The following LNPK variants were observed in gnomAD, a reference collection of about 807,000 sequenced individuals.
LNPK encodes endoplasmic reticulum junction formation protein lunapark.
LNPK carries 29 observed loss-of-function variants against 55.2 expected under a neutral mutation model. That is an observed-to-expected ratio of 0.53 (90% CI 0.39 to 0.72). The LOEUF is 0.72. Among genes scored for constraint, LNPK ranks in the 30% least tolerant of loss-of-function variants. The probability of loss-of-function intolerance (pLI) is 0.00; values close to 1 mark genes in which losing one functional copy is unlikely to be tolerated. For synonymous variants in LNPK, 162 were observed against 168.2 expected (o/e 0.96, Z 0.29); for missense variants, 467 against 494.8 (o/e 0.94, Z 0.53).
In LNPK at chr2:175,947,644, G is replaced by T; in HGVS notation, c.542C>A (p.Ala181Glu). 1 of 1,613,746 alleles carries T rather than the reference G, an allele frequency of 6.2e-7. No individual in the cohort carries two copies. Among genetic ancestry groups the T allele is most frequent in the Admixed American group, 1.7e-5 (1 of 59,992 alleles). The change falls in exon 9 of 13, where the codon GCA (alanine) becomes GAA (glutamate). Residue 181 changes from alanine (A) to glutamate (E), a missense_variant. By Grantham distance (107) the Ala-to-Glu change is moderately radical. Coordinates refer to ENST00000272748, the MANE Select transcript of LNPK (RefSeq NM_030650.3). ...TGGAGGAGGGCCCTGGTTAGGGCTT[G>T]CTGGTGTTGGAGAAAGGTTTCTTTG... ...AAQRNLSPTP[A>E]SPNQGPPPQV...
intron 8 of LNPK, among the ~76,000 whole-genome samples, chr2:175,963,098 C>G (rs1686135465): frequency 6.8e-6 from 1 of 147,334 alleles, no homozygotes; most frequent in African/African-American, 2.6e-5. Flanking sequence ...CACTTTTACA[C>G]TGTTGGTGGG....
intron 6 of LNPK, among the ~76,000 whole-genome samples, chr2:175,964,883 C>T (rs1686251369): frequency 6.6e-6 from 1 of 152,074 alleles, no homozygotes; most frequent in Admixed American, 6.6e-5. Context: ...AATCTATCAG[C>T]CATCATTATT....
rs1390122155 is a variant in LNPK, at chr2:175,944,000, G to A, written c.706+3480C>T. 3.3e-5 allele frequency among the ~76,000 whole-genome samples: 5 copies of A among 152,000 alleles called. No homozygotes were observed. In the East Asian group the frequency reaches 9.6e-4, roughly 29 times the overall value. ...GGAGAAGTAGAATTTTCTTTATTCA[G>A]ACAATGTGGCTATGTAGAAAATACT... On this transcript the variant is annotated intron_variant, in intron 9 of 12. Transcript: ENST00000272748.
intron 8 of LNPK, among the ~76,000 whole-genome samples, chr2:175,962,688 G>C (rs1339219115): frequency 6.6e-6 from 1 of 152,096 alleles, no homozygotes; most frequent in Non-Finnish European, 1.5e-5. Context: ...GGCAACAAAA[G>C]CCACAATAGA....
intron 6 of LNPK, 24 bp from the exon 7 acceptor site, chr2:175,964,613 T>C: frequency 7.6e-7 from 1 of 1,316,250 alleles, no homozygotes; most frequent in Non-Finnish European, 1.1e-6. Context: ...TTTCCATAAA[T>C]TGTCACACTT....
At chr2:175,988,711 TG>T (rs1474785582) in intron 4 of LNPK, among the ~76,000 whole-genome samples, 1 of 152,168 alleles carries the variant, frequency 6.6e-6, no homozygotes, top group Non-Finnish European at 1.5e-5. Flanking sequence ...TTTTGTTTTT[TG>T]GGGCATACAA....
chr2:175,937,743 G>A (rs977829605), intron 11 of LNPK: 7 of 353,866 alleles, frequency 2.0e-5, no homozygotes, highest in African/African-American at 1.3e-4. Flanking sequence ...GGCATAACAG[G>A]TTACATAGCA....
intron 12 of LNPK, among the ~76,000 whole-genome samples, chr2:175,935,333 T>C (rs908661465): frequency 3.3e-5 from 5 of 152,284 alleles, no homozygotes; most frequent in African/African-American, 1.2e-4. Context: ...TAAAACACTG[T>C]CTGTTAGCAA....
At chr2:175,936,923 T>C (rs940459394) in intron 12 of LNPK, among the ~76,000 whole-genome samples, 5 of 152,216 alleles carry the variant, frequency 3.3e-5, no homozygotes, top group African/African-American at 9.6e-5. Context: ...TTCTGGTAAT[T>C]TCTACCAATT....
intron 8 of LNPK, among the ~76,000 whole-genome samples, chr2:175,952,644 C>T (rs76692105): frequency 0.025 from 3,792 of 149,338 alleles, 157 homozygotes; most frequent in African/African-American, 0.087. Flanking sequence ...CTTTTTATTG[C>T]TAAAAAATGA....
intron 1 of LNPK, among the ~76,000 whole-genome samples, chr2:175,995,940 G>A (rs1251374540): frequency 6.7e-6 from 1 of 148,460 alleles, no homozygotes; most frequent in African/African-American, 2.5e-5. Flanking sequence ...AGCCTCCTGA[G>A]TAGCTGGGAC....
At chr2:175,941,838 TA>T (rs1416965879) in intron 9 of LNPK, among the ~76,000 whole-genome samples, 94 of 80,962 alleles carry the variant, frequency 1.2e-3, no homozygotes, top group South Asian at 4.7e-3. Flanking sequence ...AGAGAAATCT[TA>T]AAAAAAAAAA....
In LNPK at chr2:175,927,019, T is replaced by C. The variant is rs1684038593; in HGVS notation, c.*2948A>G. ...GAGAGACAGATGGTAAGTCCTTTGGTGTTGGGAAGAAACCCTAGGGAAAGA... is the reference window on the plus strand; with the variant it reads ...GAGAGACAGATGGTAAGTCCTTTGGCGTTGGGAAGAAACCCTAGGGAAAGA... On this transcript the variant is annotated 3_prime_UTR_variant, in exon 13 of 13. Coordinates refer to ENST00000272748, the MANE Select transcript of LNPK (RefSeq NM_030650.3). The C allele has an allele frequency of 6.6e-6, 1 of 152,148 alleles. No individual in the cohort carries two copies. The highest frequency in any genetic ancestry group is 2.1e-4 in the South Asian group (1 of 4,834). The allele number at this position is 152,148 out of a possible 1,614,324, so 9.4% of individuals were successfully genotyped here. A position where few individuals can be genotyped will look rare whatever the true frequency, so the allele number is the denominator to read the frequency against.
intron 8 of LNPK, among the ~76,000 whole-genome samples, chr2:175,958,804 A>G (rs1685839105): frequency 1.3e-5 from 2 of 152,220 alleles, no homozygotes; most frequent in African/African-American, 4.8e-5. Flanking sequence ...AACCCATCGC[A>G]AGGAAGCTAT....
intron 5 of LNPK, among the ~76,000 whole-genome samples, chr2:175,979,505 C>T (rs1410413595): frequency 6.6e-6 from 1 of 151,940 alleles, no homozygotes; most frequent in African/African-American, 2.4e-5. Context: ...TTGCAGTGAG[C>T]CGAGATCGTG....
chr2:175,962,583 C>A (rs1164111523), intron 8 of LNPK, among the ~76,000 whole-genome samples: 2 of 152,144 alleles, frequency 1.3e-5, no homozygotes, highest in Admixed American at 6.5e-5. Context: ...AAATGTTAGA[C>A]CTAAAACCAT....
intron 6 of LNPK, among the ~76,000 whole-genome samples, chr2:175,970,424 C>T (rs1005447312): frequency 1.3e-5 from 2 of 152,098 alleles, no homozygotes. Context: ...AGAACTGACA[C>T]GTGGAGATAT....
intron 5 of LNPK, among the ~76,000 whole-genome samples, chr2:175,971,898 G>A (rs1018365443): frequency 2.0e-5 from 3 of 152,120 alleles, no homozygotes; most frequent in African/African-American, 7.2e-5. Flanking sequence ...GGCTTTATGG[G>A]CCAAAAAGCA....
intron 8 of LNPK, among the ~76,000 whole-genome samples, chr2:175,949,944 T>TAAAGTTTTGTATTAATTACTCTA (rs1685319614): frequency 6.6e-6 from 1 of 152,214 alleles, no homozygotes; most frequent in East Asian, 1.9e-4. Flanking sequence ...TTGTGATTCA[T>TAAAGTTTTGTATTAATTACTCTA]AAAGTTTTGT....
Sources: gnomAD v4.1 joint callset for allele counts (sites outside exome capture counted in the v4.1 genomes callset) on GRCh38, gnomAD v4.1.1 for gene constraint, MANE v1.5 for transcripts, NCBI Gene and HGNC (gene_info 2026-07-23, HGNC 2026-07-21) for gene names.